The following CTNNA3 variants were observed in gnomAD, a reference collection of about 807,000 sequenced individuals.
CTNNA3 encodes the protein catenin alpha-3.
CTNNA3 carries 76 observed loss-of-function variants against 95.7 expected under a neutral mutation model. The ratio of observed to expected loss-of-function variants is 0.79; its 90% CI spans 0.66 to 0.96. The LOEUF is 0.96. CTNNA3 is among the 40% of genes least tolerant of loss of function. The probability of loss-of-function intolerance (pLI) is 0.00; values close to 1 mark genes in which losing one functional copy is unlikely to be tolerated. For missense variants in CTNNA3, 1,191 were observed against 1,089.8 expected (o/e 1.09, Z -1.31); for synonymous variants, 431 against 374.4 (o/e 1.15, Z -1.74).
At chr10:66,416,401 G>T (rs4116303) in intron 11 of CTNNA3, among the ~76,000 whole-genome samples, 56,896 of 151,764 alleles carry the variant, frequency 0.37, 11,614 homozygotes, top group African/African-American at 0.54. Context: ...AATTAATAGA[G>T]GAAAATTTCC....
At chr10:66,689,818 G>C (rs1012763519) in intron 9 of CTNNA3, among the ~76,000 whole-genome samples, 4 of 152,154 alleles carry the variant, frequency 2.6e-5, no homozygotes, top group Non-Finnish European at 2.9e-5. Context: ...CTACAAGGGA[G>C]AGAGGGGGAA....
chr10:66,585,667 T>C (rs1843337369), intron 10 of CTNNA3, among the ~76,000 whole-genome samples: 4 of 152,040 alleles, frequency 2.6e-5, no homozygotes, highest in South Asian at 2.1e-4. Context: ...GAATTATTTA[T>C]CTGGTATTTT....
chr10:67,234,273 T>C (rs550273233), intron 5 of CTNNA3, among the ~76,000 whole-genome samples: 1 of 152,330 alleles, frequency 6.6e-6, no homozygotes, highest in African/African-American at 2.4e-5. Context: ...AATAAAATAC[T>C]GGGAAACCAA....
intron 17 of CTNNA3, among the ~76,000 whole-genome samples, chr10:65,958,153 C>T (rs571734442): frequency 1.0e-3 from 152 of 152,232 alleles, no homozygotes; most frequent in African/African-American, 3.5e-3. Flanking sequence ...ATCACTGATA[C>T]CCTTTCTTCC....
chr10:66,421,920 A>ACACACT (rs2093199281), intron 11 of CTNNA3, among the ~76,000 whole-genome samples: 1 of 139,788 alleles, frequency 7.2e-6, no homozygotes, highest in African/African-American at 2.7e-5. Flanking sequence ...ATATATACAC[A>ACACACT]CACACACAAG....
intron 7 of CTNNA3, among the ~76,000 whole-genome samples, chr10:67,154,108 C>A (rs928349183): frequency 6.6e-6 from 1 of 152,070 alleles, no homozygotes; most frequent in African/African-American, 2.4e-5. Context: ...AATATAAATA[C>A]ATTTCAATAT....
chr10:66,622,754 T>A (rs1202538950), intron 9 of CTNNA3, among the ~76,000 whole-genome samples: 2 of 152,136 alleles, frequency 1.3e-5, no homozygotes, highest in African/African-American at 4.8e-5. Flanking sequence ...CTAAAATACA[T>A]CCAGTTGCGG....
At chr10:66,056,099 T>G (rs544876406) in intron 15 of CTNNA3, among the ~76,000 whole-genome samples, 1 of 152,246 alleles carries the variant, frequency 6.6e-6, no homozygotes, top group South Asian at 2.1e-4. Flanking sequence ...TTGTCTTATT[T>G]CAGCTGTTAA....
intron 1 of CTNNA3, among the ~76,000 whole-genome samples, chr10:67,670,775 T>C (rs1840415379): frequency 1.3e-5 from 2 of 152,324 alleles, no homozygotes; most frequent in South Asian, 4.1e-4. Context: ...CTCAGTTCCA[T>C]TCCCCTCTCT....
chr10:67,142,341 A>T (rs7478508), intron 7 of CTNNA3, among the ~76,000 whole-genome samples: 90,277 of 151,362 alleles, frequency 0.6, 27,138 homozygotes, highest in Middle Eastern at 0.74. Flanking sequence ...CAAAAAAAAA[A>T]TTTTTTTAAT....
At chr10:67,758,321 TATACAC>T (rs1564847548) in intron 1 of CTNNA3, among the ~76,000 whole-genome samples, 1 of 78,094 alleles carries the variant, frequency 1.3e-5, no homozygotes, top group African/African-American at 4.3e-5. Context: ...TATAAATATA[TATACAC>T]ACACACACAC....
chr10:67,689,116 C>T (rs567450814), intron 1 of CTNNA3, among the ~76,000 whole-genome samples: 2 of 152,230 alleles, frequency 1.3e-5, no homozygotes, highest in African/African-American at 2.4e-5. Flanking sequence ...GTATTGGGAC[C>T]TTACCACTGT....
chr10:65,918,177 T>C lies in CTNNA3; in HGVS notation c.*2153A>G, dbSNP rs1424046409. 1.3e-5 allele frequency: 2 copies of C among 152,142 alleles called. No homozygotes were observed. Among genetic ancestry groups the C allele is most frequent in the East Asian group, 3.9e-4 (2 of 5,194 alleles). The allele number at this position is 152,142 out of a possible 1,614,324, so 9.4% of individuals were successfully genotyped here. A position where few individuals can be genotyped will look rare whatever the true frequency, so the allele number is the denominator to read the frequency against. On this transcript the variant is annotated 3_prime_UTR_variant, in exon 18 of 18. Coordinates refer to ENST00000433211, the MANE Select transcript of CTNNA3 (RefSeq NM_013266.4). ...TATTTGGTAATTGTATAATTTCAAG[T>C]TATTTCTGTTCTTTTGGTGTCCAAT...
chr10:67,370,868 T>C (rs1340757018), intron 5 of CTNNA3, among the ~76,000 whole-genome samples: 1 of 146,686 alleles, frequency 6.8e-6, no homozygotes, highest in African/African-American at 2.7e-5. Context: ...AAGTTTTTTT[T>C]GTTTTTTTTT....
intron 7 of CTNNA3, among the ~76,000 whole-genome samples, chr10:66,875,788 TA>T (rs1754841423): frequency 6.6e-6 from 1 of 152,102 alleles, no homozygotes; most frequent in Non-Finnish European, 1.5e-5. Context: ...GAAAGAGTAG[TA>T]AAAAGAAGCA....
intron 10 of CTNNA3, among the ~76,000 whole-genome samples, chr10:66,621,160 T>C (rs890512908): frequency 1.2e-4 from 18 of 152,212 alleles, no homozygotes; most frequent in Non-Finnish European, 2.5e-4. Flanking sequence ...GTCAATTCTT[T>C]CAGCTGATTT....
chr10:67,113,706 G>C (rs995072032), intron 7 of CTNNA3, among the ~76,000 whole-genome samples: 1 of 152,078 alleles, frequency 6.6e-6, no homozygotes, highest in African/African-American at 2.4e-5. Flanking sequence ...CTCAGAAAAA[G>C]AGATTTAGGC....
chr10:66,080,662 A>C (rs1003927257), intron 14 of CTNNA3, among the ~76,000 whole-genome samples: 1 of 152,136 alleles, frequency 6.6e-6, no homozygotes, highest in Non-Finnish European at 1.5e-5. Flanking sequence ...CAGCCAAGGA[A>C]AATTTTATTC....
intron 7 of CTNNA3, among the ~76,000 whole-genome samples, chr10:66,873,224 G>C (rs993895222): frequency 6.6e-6 from 1 of 152,124 alleles, no homozygotes; most frequent in African/African-American, 2.4e-5. Flanking sequence ...GAAATTGCTG[G>C]TTCAAATGGT....
Sources: gnomAD v4.1 joint callset for allele counts (sites outside exome capture counted in the v4.1 genomes callset) on GRCh38, gnomAD v4.1.1 for gene constraint, MANE v1.5 for transcripts, NCBI Gene and HGNC (gene_info 2026-07-23, HGNC 2026-07-21) for gene names.